Variants in RAB15 observed in about 807,000 individuals in gnomAD.
RAB15 encodes the protein RAB15, member RAS oncogene family, also known as ras-related protein Rab-15.
A neutral mutation model predicts 31.8 loss-of-function variants in RAB15; 13 were observed. That is an observed-to-expected ratio of 0.41 (90% confidence interval 0.27 to 0.65). RAB15 has a LOEUF of 0.65. Ranked by LOEUF, RAB15 falls within the 30% of genes least tolerant of loss-of-function variation. The pLI is 0.32. For missense variants in RAB15, 220 were observed against 277.3 expected (o/e 0.79, Z 1.47); for synonymous variants, 100 against 105.6 (o/e 0.95, Z 0.33).
chr14:64,956,273 G>A (rs555622021), intron 1 of RAB15, among the ~76,000 whole-genome samples: 4 of 151,868 alleles, frequency 2.6e-5, no homozygotes, highest in African/African-American at 7.3e-5. Flanking sequence ...TCATGGTGGC[G>A]GGCACCTGTA....
rs777740133 is a variant in RAB15, at chr14:64,947,150, G to A, written c.*1204C>T. 69 of 152,586 alleles carry A rather than the reference G, an allele frequency of 4.5e-4. No individual in the cohort carries two copies. Among genetic ancestry groups the A allele is most frequent in the Non-Finnish European group, 8.4e-4 (57 of 68,056 alleles). The allele number at this position is 152,586 out of a possible 1,614,324, so 9.5% of individuals were successfully genotyped here. A position where few individuals can be genotyped will look rare whatever the true frequency, so the allele number is the denominator to read the frequency against. On this transcript the variant is annotated 3_prime_UTR_variant, in exon 7 of 7. Coordinates refer to ENST00000533601, the MANE Select transcript of RAB15 (RefSeq NM_001308154.2). This position sits in a 1 kb window ranked among gnomAD's most constrained non-coding sequence, Gnocchi z 5.6. Reference sequence around the variant, plus strand: ...TTTGGGTCCCAGGAGAACCTTGGTTGCTGAAGGCTAGGCTCAGTCCTCCGC... The same window carrying A: ...TTTGGGTCCCAGGAGAACCTTGGTTACTGAAGGCTAGGCTCAGTCCTCCGC...
chr14:64,971,920 G>A lies in RAB15; in HGVS notation c.124+33C>T, dbSNP rs542618552. ...GGCGGGGAAAGGGGCCGCGGGCGGG[G>A]AGGGAGGGGCGCCCCGGGCCACCGC... On this transcript the variant is annotated intron_variant, in intron 1 of 6. Transcript: ENST00000533601. The surrounding 1 kb of genome is among the most constrained non-coding windows in gnomAD (Gnocchi z 4.1). 2.8e-5 allele frequency: 43 copies of A among 1,539,502 alleles called. No homozygotes were observed. The highest frequency in any genetic ancestry group is 2.2e-4 in the East Asian group (9 of 40,620).
chr14:64,955,829 G>C lies in RAB15; in HGVS notation c.125-3258C>G, dbSNP rs745888430. 2.0e-5 allele frequency among the ~76,000 whole-genome samples: 3 copies of C among 152,312 alleles called. No individual in the cohort carries two copies. Among genetic ancestry groups the C allele is most frequent in the African/African-American group, 7.2e-5 (3 of 41,558 alleles). On this transcript the variant is annotated intron_variant, in intron 1 of 6. Coordinates refer to ENST00000533601, the MANE Select transcript of RAB15 (RefSeq NM_001308154.2). This position sits in a 1 kb window ranked among gnomAD's most constrained non-coding sequence, Gnocchi z 4.4. Reference sequence around the variant, plus strand: ...CCTTTTTGTTGCATCTTTAGTATCCGTGAGAAGAAGAGATATTCTCCATCT... The same window carrying C: ...CCTTTTTGTTGCATCTTTAGTATCCCTGAGAAGAAGAGATATTCTCCATCT...
intron 1 of RAB15, among the ~76,000 whole-genome samples, chr14:64,969,313 C>G (rs1006881601): frequency 6.6e-6 from 1 of 152,302 alleles, no homozygotes; most frequent in South Asian, 2.1e-4. Context: ...TGATTTGTCT[C>G]CTGGCTGCCC....
Position 64,968,770 on chromosome 14 carries a change from T to C in RAB15, c.124+3183A>G, listed in dbSNP as rs1887267864. Among the ~76,000 whole-genome samples, 1 of 152,206 alleles carries C rather than the reference T, an allele frequency of 6.6e-6. No individual in the cohort carries two copies. Among genetic ancestry groups the C allele is most frequent in the Non-Finnish European group, 1.5e-5 (1 of 68,030 alleles). On this transcript the variant is annotated intron_variant, in intron 1 of 6. Transcript: ENST00000533601. This position sits in a 1 kb window ranked among gnomAD's most constrained non-coding sequence, Gnocchi z 4.9. ...CAATTAATTTGTTTAAGGTAGTATT[T>C]TGGGGACCCCTTCGCACCAACCCCC... is the stretch of plus-strand genomic sequence containing the variant.
At position 64,951,433 on chromosome 14, in the gene RAB15, C is replaced by A. The variant is rs543039992; in HGVS notation, c.246+170G>T. On this transcript the variant is annotated intron_variant, in intron 3 of 6. Coordinates refer to ENST00000533601, the MANE Select transcript of RAB15 (RefSeq NM_001308154.2). The surrounding 1 kb of genome is among the most constrained non-coding windows in gnomAD (Gnocchi z 7.2). ...CAGGGGCCTGCCTGCAGTGAGTGGG[C>A]CATGAACAATGGACGGACAAATGAT... Among the ~76,000 whole-genome samples, 4 of 152,156 alleles carry A rather than the reference C, an allele frequency of 2.6e-5. No homozygotes were observed. The South Asian group carries it at 6.2e-4, about 24-fold the overall frequency.
chr14:64,967,140 G>C (rs2140001955), intron 1 of RAB15, among the ~76,000 whole-genome samples: 1 of 152,142 alleles, frequency 6.6e-6, no homozygotes, highest in South Asian at 2.1e-4. Context: ...CCCAGCCTGA[G>C]AAAGTGCCCT....
In RAB15 at chr14:64,954,625, G is replaced by A; in HGVS notation, c.125-2054C>T. On this transcript the variant is annotated intron_variant, in intron 1 of 6. Coordinates refer to ENST00000533601, the MANE Select transcript of RAB15 (RefSeq NM_001308154.2). This position sits in a 1 kb window ranked among gnomAD's most constrained non-coding sequence, Gnocchi z 4.3. ...GAGCAGTGAAAAAGACATGGCCCCT[G>A]CCCTCAGAGAGCCTAGTGGAAAGGA... 1.4e-6 allele frequency: 1 copy of A among 705,510 alleles called. No homozygotes were observed. Among genetic ancestry groups the A allele is most frequent in the Non-Finnish European group, 1.7e-6 (1 of 574,300 alleles). The allele number at this position is 705,510 out of a possible 1,614,324, so 43.7% of individuals were successfully genotyped here.
At chr14:64,956,143 C>T (rs1054012891) in intron 1 of RAB15, among the ~76,000 whole-genome samples, 5 of 152,166 alleles carry the variant, frequency 3.3e-5, no homozygotes, top group Middle Eastern at 6.8e-3. Flanking sequence ...TGGCTCACAC[C>T]AGTAATCCCA....
chr14:64,954,852 A>C lies in RAB15; in HGVS notation c.125-2281T>G, dbSNP rs1886456996. 6.6e-6 allele frequency among the ~76,000 whole-genome samples: 1 copy of C among 152,184 alleles called. No homozygotes were observed. Among genetic ancestry groups the C allele is most frequent in the African/African-American group, 2.4e-5 (1 of 41,432 alleles). Reference sequence around the variant, plus strand: ...TTTTGCCTGTGGGTGCCTGAGAAGGACTTTGCTAGGAGAGGAACTTCCAAT... The same window carrying C: ...TTTTGCCTGTGGGTGCCTGAGAAGGCCTTTGCTAGGAGAGGAACTTCCAAT... On this transcript the variant is annotated intron_variant, in intron 1 of 6. Transcript: ENST00000533601. The surrounding 1 kb of genome is among the most constrained non-coding windows in gnomAD (Gnocchi z 4.3).
chr14:64,946,449 A>G lies in RAB15; in HGVS notation c.*1905T>C, dbSNP rs1885925981. ...TACCCAAGGAGTCCCATCTTCAAGG[A>G]AGCAACTCCAGCCTAGTCACAGCTT... On this transcript the variant is annotated 3_prime_UTR_variant, in exon 7 of 7. Coordinates refer to ENST00000533601, the MANE Select transcript of RAB15 (RefSeq NM_001308154.2). 1 of 152,186 alleles carries G rather than the reference A, an allele frequency of 6.6e-6. No homozygotes were observed. The highest frequency in any genetic ancestry group is 1.5e-5 in the Non-Finnish European group (1 of 68,030). The allele number at this position is 152,186 out of a possible 1,614,324, so 9.4% of individuals were successfully genotyped here.
intron 1 of RAB15, among the ~76,000 whole-genome samples, chr14:64,960,559 T>G (rs1886802142): frequency 6.6e-6 from 1 of 152,216 alleles, no homozygotes; most frequent in Admixed American, 6.5e-5. Flanking sequence ...CTCAGTTTCC[T>G]CACCTGTAAA....
chr14:64,956,573 AACG>A (rs1165182434), intron 1 of RAB15, among the ~76,000 whole-genome samples: 15 of 152,224 alleles, frequency 9.9e-5, no homozygotes, highest in African/African-American at 2.9e-4. Flanking sequence ...TAAGTTTGAG[AACG>A]ACATTAGGAC....
rs1886211671 is a variant in RAB15 at position 64,950,906 on chromosome 14, C to A, written c.324+168G>T. ...CCTGGCAGGGTATAGAGAGTGAGGG[C>A]ATGGCAGCTTCGGTTTCTTCCCCAT... On this transcript the variant is annotated intron_variant, in intron 4 of 6. Transcript: ENST00000533601. This position sits in a 1 kb window ranked among gnomAD's most constrained non-coding sequence, Gnocchi z 5.6. 7.0e-7 allele frequency: 1 copy of A among 1,425,266 alleles called. No homozygotes were observed. Among genetic ancestry groups the A allele is most frequent in the Non-Finnish European group, 9.8e-7 (1 of 1,017,436 alleles). 88.3% of individuals were successfully genotyped at this position (1,425,266 alleles called of 1,614,324 possible).
rs1170977421 is a variant in RAB15 at position 64,971,165 on chromosome 14, A to G, written c.124+788T>C. Among the ~76,000 whole-genome samples, 2 of 152,030 alleles carry G rather than the reference A, an allele frequency of 1.3e-5. No homozygotes were observed. Among genetic ancestry groups the G allele is most frequent in the Non-Finnish European group, 2.9e-5 (2 of 67,960 alleles). On this transcript the variant is annotated intron_variant, in intron 1 of 6. Transcript: ENST00000533601. This position sits in a 1 kb window ranked among gnomAD's most constrained non-coding sequence, Gnocchi z 4.1. ...GACTGTCTCAGAGGGGAGGCCATGGACCCATTCCTAGAATAAGTGACCCCA... is the reference window on the plus strand; with the variant it reads ...GACTGTCTCAGAGGGGAGGCCATGGGCCCATTCCTAGAATAAGTGACCCCA...
Position 64,948,258 on chromosome 14 carries a change from C to A in RAB15, c.*96G>T, listed in dbSNP as rs11540871. ...ACTGATACTCAATAGGGTCATCACACGAGAGGACAGCAGCAGGGCAAAGCC... is the reference window on the plus strand; with the variant it reads ...ACTGATACTCAATAGGGTCATCACAAGAGAGGACAGCAGCAGGGCAAAGCC... On this transcript the variant is annotated 3_prime_UTR_variant, in exon 7 of 7. Coordinates refer to ENST00000533601, the MANE Select transcript of RAB15 (RefSeq NM_001308154.2). This position sits in a 1 kb window ranked among gnomAD's most constrained non-coding sequence, Gnocchi z 7.0. The A allele has an allele frequency of 1.5e-6, 2 of 1,307,512 alleles. No individual in the cohort carries two copies. The highest frequency in any genetic ancestry group is 2.0e-6 in the Non-Finnish European group (2 of 985,318). The allele number at this position is 1,307,512 out of a possible 1,614,324, so 81.0% of individuals were successfully genotyped here. A position where few individuals can be genotyped will look rare whatever the true frequency, so the allele number is the denominator to read the frequency against.
At chr14:64,964,518 C>CAAA (rs1257040368) in intron 1 of RAB15, among the ~76,000 whole-genome samples, 131 of 71,934 alleles carry the variant, frequency 1.8e-3, no homozygotes, top group African/African-American at 8.0e-3. Context: ...GACTCTGTTT[C>CAAA]AAAAAAAAAA....
rs769021226 is a variant in RAB15, at chr14:64,951,166, A to G, written c.247-15T>C. 1.3e-6 allele frequency: 2 copies of G among 1,594,648 alleles called. No individual in the cohort carries two copies. Among genetic ancestry groups the G allele is most frequent in the East Asian group, 2.2e-5 (1 of 44,796 alleles). On this transcript the variant is annotated splice_polypyrimidine_tract_variant and intron_variant, in intron 3 of 6. Transcript: ENST00000533601. This position sits in a 1 kb window ranked among gnomAD's most constrained non-coding sequence, Gnocchi z 7.2. ...AAAAATATCCCCTGAGAGAGAGAGA[A>G]ATAGAGAGATGTGATATGCACAGAG...
intron 5 of RAB15, among the ~76,000 whole-genome samples, chr14:64,949,458 C>T (rs1473407256): frequency 4.6e-5 from 7 of 152,130 alleles, no homozygotes; most frequent in Admixed American, 2.0e-4. Flanking sequence ...CAGTGGCTCA[C>T]GCCTGTAATC....
Sources: allele counts gnomAD v4.1 joint callset (sites outside exome capture counted in the v4.1 genomes callset), GRCh38; gene constraint gnomAD v4.1.1; non-coding constraint Gnocchi (gnomAD v3.1); transcripts MANE v1.5; gene names NCBI Gene and HGNC (gene_info 2026-07-23, HGNC 2026-07-21).